The following IFNAR1 variants were observed in gnomAD, a reference collection of about 807,000 sequenced individuals.
IFNAR1 encodes interferon alpha/beta receptor 1.
IFNAR1 carries 47 observed loss-of-function variants against 62.1 expected under a neutral mutation model. That is an observed-to-expected ratio of 0.76 (90% CI 0.60 to 0.97). IFNAR1 has a LOEUF of 0.97. Ranked by LOEUF, IFNAR1 falls within the 50% of genes least tolerant of loss-of-function variation. The pLI, the probability that IFNAR1 is intolerant of heterozygous loss-of-function variation, is 0.00. For missense variants in IFNAR1, 638 were observed against 654.5 expected (o/e 0.97, Z 0.27); for synonymous variants, 219 against 226.9 (o/e 0.97, Z 0.31).
At chr21:33,337,565 A>G (rs2083249580) in intron 2 of IFNAR1, among the ~76,000 whole-genome samples, 1 of 152,180 alleles carries the variant, frequency 6.6e-6, no homozygotes, top group African/African-American at 2.4e-5. Context: ...AAACTGGCAT[A>G]TGAATCTCAC....
intron 1 of IFNAR1, among the ~76,000 whole-genome samples, chr21:33,332,502 G>C (rs1321090242): frequency 6.6e-6 from 1 of 152,170 alleles, no homozygotes; most frequent in Non-Finnish European, 1.5e-5. Context: ...CCAAAGGAAA[G>C]TAAGAACTCT....
Position 33,354,462 on chromosome 21 carries a change from G to A in IFNAR1, c.1440+679G>A, listed in dbSNP as rs937042492. Among the ~76,000 whole-genome samples, 9 of 152,226 alleles carry A rather than the reference G, an allele frequency of 5.9e-5. No homozygotes were observed. In the East Asian group the frequency reaches 1.7e-3, roughly 29 times the overall value. ...ATTCCATTGTAAGTTAGGAGCATCTGTATATATCCAGAAGACTAAAATATT... is the reference window on the plus strand; with the variant it reads ...ATTCCATTGTAAGTTAGGAGCATCTATATATATCCAGAAGACTAAAATATT... On this transcript the variant is annotated intron_variant, in intron 10 of 10. Coordinates refer to ENST00000270139, the MANE Select transcript of IFNAR1 (RefSeq NM_000629.3).
intron 1 of IFNAR1, among the ~76,000 whole-genome samples, chr21:33,333,679 A>G (rs1308017687): frequency 2.2e-5 from 3 of 135,656 alleles, no homozygotes; most frequent in East Asian, 2.1e-4. Flanking sequence ...GCTGGAGTGC[A>G]GTGGCGCGAT....
chr21:33,352,258 G>A (rs1446989795), intron 8 of IFNAR1, among the ~76,000 whole-genome samples: 1 of 152,086 alleles, frequency 6.6e-6, no homozygotes, highest in Non-Finnish European at 1.5e-5. Context: ...TAGATCATAT[G>A]CTTTTTTGGC....
rs777682349 is a variant in IFNAR1 at position 33,325,092 on chromosome 21, C to T, written c.37C>T (p.Leu13Phe). 1 of 1,611,050 alleles carries T rather than the reference C, an allele frequency of 6.2e-7. No individual in the cohort carries two copies. Among genetic ancestry groups the T allele is most frequent in the Non-Finnish European group, 8.5e-7 (1 of 1,179,324 alleles). Residue 13 changes from leucine to phenylalanine, a missense_variant, in exon 1 of 11, where the codon CTC (leucine) becomes TTC (phenylalanine). Transcript: ENST00000270139. ...VVLLGATTLV[L>F]VAVAPWVLSA... ...CCTCCTGGGCGCGACGACCCTAGTG[C>T]TCGTCGCCGTGGCGCCATGGGTGTT...
At chr21:33,336,676 G>T (rs2083239816) in intron 2 of IFNAR1, among the ~76,000 whole-genome samples, 1 of 151,950 alleles carries the variant, frequency 6.6e-6, no homozygotes, top group Non-Finnish European at 1.5e-5. Flanking sequence ...CCTTGGAATA[G>T]GCCACCAGGT....
chr21:33,327,354 G>C (rs1264170536), intron 1 of IFNAR1, among the ~76,000 whole-genome samples: 1 of 152,190 alleles, frequency 6.6e-6, no homozygotes, highest in African/African-American at 2.4e-5. Context: ...GCTCTTAGCT[G>C]TGTGCCAGGC....
chr21:33,332,839 A>G (rs2083194775), intron 1 of IFNAR1, among the ~76,000 whole-genome samples: 1 of 152,188 alleles, frequency 6.6e-6, no homozygotes, highest in Non-Finnish European at 1.5e-5. Context: ...AACAAGTGAA[A>G]CCCTACAAGA....
At position 33,343,254 on chromosome 21, in the gene IFNAR1, T is replaced by G. The variant is rs2083310720; in HGVS notation, c.377-14T>G. On this transcript the variant is annotated splice_polypyrimidine_tract_variant and intron_variant, in intron 3 of 10. Coordinates refer to ENST00000270139, the MANE Select transcript of IFNAR1 (RefSeq NM_000629.3). The stretch of plus-strand genomic sequence containing the variant: ...TAATAAAGTTCCATAGTAATTGTTT[T>G]GATTTTTTTGCAGCTCAGATTGGTC... The G allele has an allele frequency of 6.2e-7, 1 of 1,606,670 alleles. No individual in the cohort carries two copies.
In IFNAR1 at chr21:33,352,920, T is replaced by G; in HGVS notation, c.1294+12T>G. ...GAAAACAAAACCAGGTCAGAATCTT[T>G]TATTGTCTTTTTTAAAAATGTAGCT... is the stretch of plus-strand genomic sequence containing the variant. On this transcript the variant is annotated intron_variant, in intron 9 of 10. Coordinates refer to ENST00000270139, the MANE Select transcript of IFNAR1 (RefSeq NM_000629.3). The G allele has an allele frequency of 6.5e-7, 1 of 1,544,468 alleles. No homozygotes were observed. Among genetic ancestry groups the G allele is most frequent in the Non-Finnish European group, 8.8e-7 (1 of 1,137,712 alleles).
In IFNAR1 at chr21:33,327,325, G is replaced by A. The variant is rs187898648; in HGVS notation, c.76+2194G>A. ...GACAGGTGGCAAGATATAATTTATA[G>A]GCATTTATCATTTCTTAAGCTCTTA... On this transcript the variant is annotated intron_variant, in intron 1 of 10. Coordinates refer to ENST00000270139, the MANE Select transcript of IFNAR1 (RefSeq NM_000629.3). 1.1e-4 allele frequency among the ~76,000 whole-genome samples: 17 copies of A among 152,252 alleles called. No individual in the cohort carries two copies. In the East Asian group the frequency reaches 3.1e-3, roughly 28 times the overall value.
Position 33,349,381 on chromosome 21 carries a change from T to TTTTCTAGCTTTCCTACTTCCTCCAGTC in IFNAR1, c.989-4_1011dup. 1.9e-6 allele frequency: 3 copies of TTTTCTAGCTTTCCTACTTCCTCCAGTC among 1,579,470 alleles called. No homozygotes were observed. The highest frequency in any genetic ancestry group is 2.6e-6 in the Non-Finnish European group (3 of 1,166,266). ...ATTGAACATTATTTCTTTACAAATT[T>TTTTCTAGCTTTCCTACTTCCTCCAGTC]TTTCTAGCTTTCCTACTTCCTCCAG... On this transcript the variant is annotated splice_polypyrimidine_tract_variant and splice_region_variant and intron_variant, in intron 7 of 10. Transcript: ENST00000270139.
chr21:33,330,430 A>G (rs569862681), intron 1 of IFNAR1, among the ~76,000 whole-genome samples: 2 of 152,296 alleles, frequency 1.3e-5, no homozygotes, highest in African/African-American at 4.8e-5. Flanking sequence ...GGGGAAAATT[A>G]GAAAGTCACT....
intron 5 of IFNAR1, among the ~76,000 whole-genome samples, chr21:33,344,723 C>A (rs2083327960): frequency 1.3e-5 from 2 of 151,828 alleles, no homozygotes. Context: ...CTATTACGTT[C>A]TTCATTTGAT....
chr21:33,332,225 C>G (rs901939586), intron 1 of IFNAR1, among the ~76,000 whole-genome samples: 7 of 152,204 alleles, frequency 4.6e-5, no homozygotes, highest in Admixed American at 6.5e-5. Flanking sequence ...TAACAACCTA[C>G]ACTACCACTG....
intron 3 of IFNAR1, among the ~76,000 whole-genome samples, chr21:33,342,411 A>C (rs1373443013): frequency 6.6e-6 from 1 of 151,616 alleles, no homozygotes; most frequent in East Asian, 1.9e-4. Flanking sequence ...ACCATATCTC[A>C]AAAAAAAGTG....
intron 1 of IFNAR1, among the ~76,000 whole-genome samples, chr21:33,335,315 C>A (rs1032218066): frequency 6.6e-6 from 1 of 152,134 alleles, no homozygotes; most frequent in Admixed American, 6.5e-5. Flanking sequence ...GAAAAAAAAT[C>A]AACTCTTTTT....
At chr21:33,340,744 T>G (rs2083285188) in intron 2 of IFNAR1, among the ~76,000 whole-genome samples, 1 of 152,174 alleles carries the variant, frequency 6.6e-6, no homozygotes, top group African/African-American at 2.4e-5. Flanking sequence ...TATAAAGAAC[T>G]GTATTTTAAA....
In IFNAR1 at chr21:33,324,981, G is replaced by A. The variant is rs377642967; in HGVS notation, c.-75G>A. The A allele has an allele frequency of 6.5e-6, 9 of 1,376,736 alleles. No homozygotes were observed. The highest frequency in any genetic ancestry group is 1.4e-5 in the African/African-American group (1 of 69,936). 85.3% of individuals were successfully genotyped at this position (1,376,736 alleles called of 1,614,324 possible). ...GTGTGCAGAGGGGCGGTGTGACTTA[G>A]GACGGGGCGATGGCGGCTGAGAGGA... On this transcript the variant is annotated 5_prime_UTR_variant, in exon 1 of 11. Coordinates refer to ENST00000270139, the MANE Select transcript of IFNAR1 (RefSeq NM_000629.3).
Sources: gnomAD v4.1 joint callset for allele counts (sites outside exome capture counted in the v4.1 genomes callset) on GRCh38, gnomAD v4.1.1 for gene constraint, MANE v1.5 for transcripts, NCBI Gene and HGNC (gene_info 2026-07-23, HGNC 2026-07-21) for gene names.